ABCB5: variants seen among roughly 807,000 people sequenced by gnomAD.
ABCB5 encodes the protein ATP-binding cassette sub-family B member 5.
In ABCB5, 155 loss-of-function variants were observed where a neutral mutation model predicts 144.2. That is an observed-to-expected ratio of 1.08 (90% CI 0.94 to 1.23). The LOEUF (loss-of-function observed/expected upper bound fraction) is 1.23, where lower values mean the gene tolerates loss of function less well. Ranked by LOEUF, ABCB5 falls within the 50% of genes most tolerant of loss-of-function variation. The pLI, the probability that ABCB5 is intolerant of heterozygous loss-of-function variation, is 0.00. For missense variants in ABCB5, 1,830 were observed against 1,520.8 expected, an observed-to-expected ratio of 1.20 and a Z score of -3.38; for synonymous variants, 610 against 528.6, an observed-to-expected ratio of 1.15 and a Z score of -2.11.
intron 16 of ABCB5, among the ~76,000 whole-genome samples, chr7:20,693,796 C>A (rs1222067551): frequency 6.6e-6 from 1 of 151,258 alleles, no homozygotes; most frequent in East Asian, 1.9e-4. Flanking sequence ...AAACTGCCAA[C>A]ATCAAGAATG....
intron 14 of ABCB5, among the ~76,000 whole-genome samples, chr7:20,676,648 C>A (rs959013593): frequency 6.6e-6 from 1 of 152,060 alleles, no homozygotes; most frequent in Non-Finnish European, 1.5e-5. Flanking sequence ...TTATGTAAGA[C>A]GAATAAGTTC....
chr7:20,615,746 A>G lies in ABCB5; in HGVS notation c.-113A>G, dbSNP rs1326536167. On this transcript the variant is annotated 5_prime_UTR_variant, in exon 1 of 28. Transcript: ENST00000404938. ...TTGATACCTTGTATCTGAAAGCTTT[A>G]TCCTATCCTCTTCAGAAGACTTCAG... is the stretch of plus-strand genomic sequence containing the variant. The G allele has an allele frequency of 6.6e-6, 1 of 152,238 alleles. No homozygotes were observed. The highest frequency in any genetic ancestry group is 1.5e-5 in the Non-Finnish European group (1 of 68,050). 9.4% of individuals were successfully genotyped at this position (152,238 alleles called of 1,614,324 possible).
At chr7:20,749,881 A>G (rs974707311) in intron 26 of ABCB5, among the ~76,000 whole-genome samples, 1 of 152,220 alleles carries the variant, frequency 6.6e-6, no homozygotes, top group Non-Finnish European at 1.5e-5. Flanking sequence ...GCATAGCCTG[A>G]GCAAAAACAT....
rs779566714 is a variant in ABCB5, at chr7:20,643,480, G to T, written c.526G>T (p.Asp176Tyr). ...RMTDDIDKIS[D>Y]GIGDKIALLF... Reference sequence around the variant, plus strand: ...TTTCAGTGACATTGACAAAATCAGTGATGGTATTGGAGATAAGATTGCTCT... The same window carrying T: ...TTTCAGTGACATTGACAAAATCAGTTATGGTATTGGAGATAAGATTGCTCT... Residue 176 changes from aspartate to tyrosine, a missense_variant, in exon 7 of 28, where the codon GAT becomes TAT. Asp to Tyr is a radical substitution (Grantham distance 160). Coordinates refer to ENST00000404938, the MANE Select transcript of ABCB5 (RefSeq NM_001163941.2). The T allele has an allele frequency of 6.2e-7, 1 of 1,614,006 alleles. No individual in the cohort carries two copies. The highest frequency in any genetic ancestry group is 8.5e-7 in the Non-Finnish European group (1 of 1,179,888).
chr7:20,697,020 T>C (rs1180188462), intron 16 of ABCB5, among the ~76,000 whole-genome samples: 11 of 152,162 alleles, frequency 7.2e-5, no homozygotes, highest in Admixed American at 7.2e-4. Context: ...ATAAGGTAAT[T>C]TTGTAATGCA....
chr7:20,700,365 A>C (rs1786578884), intron 19 of ABCB5, among the ~76,000 whole-genome samples: 1 of 152,186 alleles, frequency 6.6e-6, no homozygotes, highest in Non-Finnish European at 1.5e-5. Context: ...TGTAGGATCT[A>C]CTCATTGTTC....
At chr7:20,700,020 A>C in intron 18 of ABCB5, 38 bp from the exon 19 acceptor site, 1 of 1,604,952 alleles carries the variant, frequency 6.2e-7, no homozygotes, top group Non-Finnish European at 8.5e-7. Flanking sequence ...AATGTTACAA[A>C]GGAAAAGAAC....
At chr7:20,680,487 G>A (rs1264409417) in intron 14 of ABCB5, among the ~76,000 whole-genome samples, 3 of 151,498 alleles carry the variant, frequency 2.0e-5, no homozygotes, top group Admixed American at 6.6e-5. Flanking sequence ...GCAGAATGGC[G>A]TGAACCCGGG....
At chr7:20,629,391 A>G (rs766397784) in intron 4 of ABCB5, among the ~76,000 whole-genome samples, 2 of 152,198 alleles carry the variant, frequency 1.3e-5, no homozygotes, top group Non-Finnish European at 2.9e-5. Context: ...ACTTTTTATC[A>G]GAAGTGGTGA....
chr7:20,753,047 A>C (rs889866374), intron 26 of ABCB5, among the ~76,000 whole-genome samples: 18 of 152,164 alleles, frequency 1.2e-4, no homozygotes, highest in African/African-American at 3.4e-4. Flanking sequence ...ATGGAAAAGG[A>C]TTTGTGTTTA....
In ABCB5 at chr7:20,676,488, A is replaced by T. The variant is rs538632351; in HGVS notation, c.1708-5017A>T. Among the ~76,000 whole-genome samples, 5 of 152,330 alleles carry T rather than the reference A, an allele frequency of 3.3e-5. No homozygotes were observed. The East Asian group carries it at 5.8e-4, about 18-fold the overall frequency. ...GACATTATGCTAAGTGAAATAAGCC[A>T]GTCGCAGAAGGACAAATACTGCATG... is the stretch of plus-strand genomic sequence containing the variant. On this transcript the variant is annotated intron_variant, in intron 14 of 27. Coordinates refer to ENST00000404938, the MANE Select transcript of ABCB5 (RefSeq NM_001163941.2).
intron 21 of ABCB5, among the ~76,000 whole-genome samples, chr7:20,725,722 C>T (rs1782015911): frequency 6.6e-6 from 1 of 152,008 alleles, no homozygotes; most frequent in South Asian, 2.1e-4. Context: ...TATCTTCATT[C>T]CTTTTGTTTT....
chr7:20,636,602 T>A (rs1297964808), intron 5 of ABCB5, among the ~76,000 whole-genome samples: 5 of 151,848 alleles, frequency 3.3e-5, no homozygotes, highest in Non-Finnish European at 7.4e-5. Flanking sequence ...CTGGCTAACA[T>A]GGTGAAACTC....
intron 1 of ABCB5, among the ~76,000 whole-genome samples, chr7:20,622,810 G>C (rs1475443272): frequency 6.6e-6 from 1 of 151,962 alleles, no homozygotes; most frequent in African/African-American, 2.4e-5. Flanking sequence ...TCCAAACTTT[G>C]TTTGTTTCGT....
At chr7:20,727,242 G>C (rs984475259) in intron 22 of ABCB5, 102 bp downstream of exon 22, 5 of 694,850 alleles carry the variant, frequency 7.2e-6, no homozygotes, top group Non-Finnish European at 1.2e-5. Flanking sequence ...ATTTGCTCTT[G>C]AGCCTTTCCT....
At chr7:20,705,400 G>T (rs1193527348) in intron 20 of ABCB5, among the ~76,000 whole-genome samples, 1 of 152,158 alleles carries the variant, frequency 6.6e-6, no homozygotes, top group Non-Finnish European at 1.5e-5. Flanking sequence ...GAGTAGAGGA[G>T]TATAGAAGAG....
chr7:20,736,415 A>G (rs1174477604), intron 23 of ABCB5, among the ~76,000 whole-genome samples: 2 of 152,034 alleles, frequency 1.3e-5, no homozygotes, highest in Non-Finnish European at 2.9e-5. Context: ...ATGGAGTTTC[A>G]CCATGTTGGC....
intron 1 of ABCB5, 150 bp from the exon 2 acceptor site, chr7:20,623,115 C>G: frequency 1.8e-6 from 1 of 564,336 alleles, no homozygotes; most frequent in Non-Finnish European, 3.2e-6. Context: ...TAGCCAGAAA[C>G]TTCAATTGGA....
chr7:20,631,807 C>G (rs1784043932), intron 4 of ABCB5, among the ~76,000 whole-genome samples: 1 of 152,144 alleles, frequency 6.6e-6, no homozygotes, highest in Non-Finnish European at 1.5e-5. Flanking sequence ...CCAAATAATT[C>G]TTTCCAGTTA....
Sources: gnomAD v4.1 joint callset for allele counts (sites outside exome capture counted in the v4.1 genomes callset) on GRCh38, gnomAD v4.1.1 for gene constraint, MANE v1.5 for transcripts, NCBI Gene and HGNC (gene_info 2026-07-23, HGNC 2026-07-21) for gene names.